DST: variants seen among roughly 807,000 people sequenced by gnomAD.
DST encodes the protein dystonin, also known as bullous pemphigoid antigen.
DST carries 253 observed loss-of-function variants against 875.2 expected under a neutral mutation model. That is an observed-to-expected ratio of 0.29 (90% CI 0.26 to 0.32). The LOEUF is 0.32. Among genes scored for constraint, DST ranks in the 10% least tolerant of loss-of-function variants. The pLI is 1.00. For synonymous variants in DST, 3,124 were observed against 3,197.1 expected (o/e 0.98, Z 0.77); for missense variants, 8,287 against 9,111.6 (o/e 0.91, Z 3.68).
intron 5 of DST, among the ~76,000 whole-genome samples, chr6:56,722,547 C>T (rs1203036491): frequency 6.6e-6 from 1 of 152,094 alleles, no homozygotes; most frequent in African/African-American, 2.4e-5. Context: ...CCACACCTGG[C>T]TAATTTTTGT....
chr6:56,612,453 T>C (rs77597825), intron 37 of DST, among the ~76,000 whole-genome samples: 3,137 of 152,332 alleles, frequency 0.021, 106 homozygotes, highest in African/African-American at 0.072. Flanking sequence ...GTGACTGTCA[T>C]CTGTCAGAGA....
At chr6:56,533,444 G>C (rs1192234174) in intron 63 of DST, among the ~76,000 whole-genome samples, 2 of 152,218 alleles carry the variant, frequency 1.3e-5, no homozygotes. Flanking sequence ...AAAGCTAAAA[G>C]AGTATTTTGA....
chr6:56,812,109 A>AAAAAAAG (rs1554158454), intron 4 of DST, among the ~76,000 whole-genome samples: 1 of 111,802 alleles, frequency 8.9e-6, no homozygotes, highest in South Asian at 3.1e-4. Flanking sequence ...CTCAAAAAAA[A>AAAAAAAG]AAAAGAAAAG....
At chr6:56,593,406 A>G (rs1448555532) in intron 48 of DST, among the ~76,000 whole-genome samples, 1 of 150,668 alleles carries the variant, frequency 6.6e-6, no homozygotes, top group Admixed American at 6.6e-5. Context: ...AGTCCCAGCT[A>G]GTCGGGAGGC....
At chr6:56,744,177 G>C (rs1589512853) in intron 4 of DST, among the ~76,000 whole-genome samples, 1 of 151,382 alleles carries the variant, frequency 6.6e-6, no homozygotes, top group East Asian at 1.9e-4. Context: ...AGTAAAGCTT[G>C]GCCCGATTGT....
chr6:56,879,748 C>A (rs772119997), intron 3 of DST, among the ~76,000 whole-genome samples: 2 of 152,146 alleles, frequency 1.3e-5, no homozygotes, highest in East Asian at 3.8e-4. Flanking sequence ...AAAGTTATGA[C>A]CCCCATTCTA....
chr6:56,689,548 G>T (rs2099213405), intron 9 of DST, among the ~76,000 whole-genome samples: 1 of 152,152 alleles, frequency 6.6e-6, no homozygotes, highest in South Asian at 2.1e-4. Flanking sequence ...TCTCAAGCAA[G>T]GTGTTTTTCA....
intron 49 of DST, among the ~76,000 whole-genome samples, chr6:56,582,533 C>G (rs9370538): frequency 0.44 from 65,685 of 150,850 alleles, 14,744 homozygotes; most frequent in African/African-American, 0.52. Context: ...TGCTTGTAGA[C>G]CCTGTAGAAT....
intron 2 of DST, among the ~76,000 whole-genome samples, chr6:56,937,156 A>G (rs1813410648): frequency 6.6e-6 from 1 of 152,266 alleles, no homozygotes; most frequent in East Asian, 1.9e-4. Flanking sequence ...TATAATCCAT[A>G]AAGAAAAATA....
At chr6:56,785,972 A>G (rs1238920596) in intron 4 of DST, 1 of 152,142 alleles carries the variant, frequency 6.6e-6, no homozygotes, top group Non-Finnish European at 1.5e-5. Flanking sequence ...TATCACATCT[A>G]TATTCACACA....
intron 4 of DST, among the ~76,000 whole-genome samples, chr6:56,837,156 G>A (rs1273137196): frequency 6.6e-6 from 1 of 152,052 alleles, no homozygotes; most frequent in African/African-American, 2.4e-5. Flanking sequence ...GTATTTCCAA[G>A]GTCAAGCAAA....
At chr6:56,547,046 A>T (rs973949643) in intron 61 of DST, among the ~76,000 whole-genome samples, 2 of 152,244 alleles carry the variant, frequency 1.3e-5, no homozygotes, top group Non-Finnish European at 2.9e-5. Flanking sequence ...AAGGAATAAA[A>T]GTTAAGAGGA....
At chr6:56,586,681 C>T (rs1199564891) in intron 49 of DST, among the ~76,000 whole-genome samples, 2 of 152,228 alleles carry the variant, frequency 1.3e-5, no homozygotes, top group Middle Eastern at 3.4e-3. Context: ...AGACTGACAC[C>T]TCACACGGCC....
chr6:56,491,361 C>CA lies in DST; in HGVS notation c.20757+865dup, dbSNP rs1398476256. On this transcript the variant is annotated intron_variant, in intron 85 of 103. Coordinates refer to ENST00000680361, the MANE Select transcript of DST (RefSeq NM_001374736.1). ...GCTAGAAAATTGCAGCTGACTGAGG[C>CA]AAAAAGTAATTGTAAAATCCTCCTA... is the stretch of plus-strand genomic sequence containing the variant. Among the ~76,000 whole-genome samples, 4 of 152,142 alleles carry CA rather than the reference C, an allele frequency of 2.6e-5. No homozygotes were observed. The East Asian group carries it at 7.7e-4, about 29-fold the overall frequency.
chr6:56,907,104 T>G (rs1015039453), intron 2 of DST, among the ~76,000 whole-genome samples: 1 of 152,168 alleles, frequency 6.6e-6, no homozygotes, highest in Admixed American at 6.6e-5. Flanking sequence ...GAATATTACA[T>G]GGAGGCAAGT....
intron 4 of DST, among the ~76,000 whole-genome samples, chr6:56,819,451 A>G (rs2153045161): frequency 6.6e-6 from 1 of 152,292 alleles, no homozygotes; most frequent in African/African-American, 2.4e-5. Flanking sequence ...AAGAACCTCC[A>G]TTTTACTTAG....
intron 9 of DST, among the ~76,000 whole-genome samples, chr6:56,677,945 C>T (rs897847959): frequency 3.3e-5 from 5 of 152,208 alleles, no homozygotes; most frequent in African/African-American, 1.2e-4. Context: ...CCCCAAGTAT[C>T]CCCCATGGCA....
chr6:56,882,627 G>A (rs1392800808), intron 3 of DST, among the ~76,000 whole-genome samples: 1 of 152,162 alleles, frequency 6.6e-6, no homozygotes, highest in Non-Finnish European at 1.5e-5. Flanking sequence ...TGAGCAGAGA[G>A]TCACATAATG....
chr6:56,618,598 T>C (rs764012348), intron 36 of DST: 1 of 1,614,206 alleles, frequency 6.2e-7, no homozygotes, highest in Middle Eastern at 1.6e-4. Flanking sequence ...GCTGCATTTG[T>C]TCACGATACT....
Sources: allele counts gnomAD v4.1 joint callset (sites outside exome capture counted in the v4.1 genomes callset), GRCh38; gene constraint gnomAD v4.1.1; transcripts MANE v1.5; gene names NCBI Gene and HGNC (gene_info 2026-07-23, HGNC 2026-07-21).